Variants in APC observed in about 807,000 individuals in gnomAD.
The protein encoded by APC is adenomatous polyposis coli protein.
APC carries 72 observed loss-of-function variants against 247.0 expected under a neutral mutation model. That is an observed-to-expected ratio of 0.29 (90% CI 0.24 to 0.35). The LOEUF (loss-of-function observed/expected upper bound fraction) is 0.35, where lower values mean the gene tolerates loss of function less well. Ranked by LOEUF, APC falls within the 10% of genes least tolerant of loss-of-function variation. APC has a pLI of 1.00. For missense variants in APC, 3,400 were observed against 3,360.7 expected, an observed-to-expected ratio of 1.01 and a Z score of -0.29; for synonymous variants, 1,254 against 1,162.5, an observed-to-expected ratio of 1.08 and a Z score of -1.60.
chr5:112,758,952 T>C (rs530659849), intron 2 of APC, among the ~76,000 whole-genome samples: 1 of 152,266 alleles, frequency 6.6e-6, no homozygotes, highest in South Asian at 2.1e-4. Context: ...AGCAACAAGG[T>C]AAATATGGCA....
intron 3 of APC, among the ~76,000 whole-genome samples, chr5:112,766,895 G>A (rs1202201101): frequency 6.6e-6 from 1 of 152,194 alleles, no homozygotes. Flanking sequence ...AACAGAGAAA[G>A]TGCTTGATAA....
Position 112,835,117 on chromosome 5 carries a change from G to A in APC, c.1910G>A (p.Gly637Glu), listed in dbSNP as rs2149843736. 1 of 1,614,022 alleles carries A rather than the reference G, an allele frequency of 6.2e-7. No individual in the cohort carries two copies. Among genetic ancestry groups the A allele is most frequent in the Non-Finnish European group, 8.5e-7 (1 of 1,179,990 alleles). Residue 637 changes from glycine to glutamate, a missense_variant, in exon 15 of 16, where the codon GGG (glycine) becomes GAG (glutamate). By Grantham distance (98) the Gly-to-Glu change is moderately conservative. Transcript: ENST00000257430. ...NTLAIIESGG[G>E]ILRNVSSLIA... is the part of the protein sequence containing the mutation. Reference sequence around the variant, plus strand: ...TTAGCCATTATTGAAAGTGGAGGTGGGATATTACGGAATGTGTCCAGCTTG... The same window carrying A: ...TTAGCCATTATTGAAAGTGGAGGTGAGATATTACGGAATGTGTCCAGCTTG...
intron 5 of APC, among the ~76,000 whole-genome samples, chr5:112,779,089 G>T (rs1043407332): frequency 8.5e-5 from 13 of 152,162 alleles, no homozygotes; most frequent in African/African-American, 3.1e-4. Context: ...TTTTGAGAGA[G>T]AAAGGATCCC....
intron 8 of APC, among the ~76,000 whole-genome samples, chr5:112,802,866 C>CA (rs1227949136): frequency 6.6e-6 from 1 of 151,154 alleles, no homozygotes; most frequent in Non-Finnish European, 1.5e-5. Flanking sequence ...ATTCAAGATG[C>CA]AAAAAACAGT....
chr5:112,755,137 A>G, intron 2 of APC, 112 bp downstream of exon 2: 3 of 1,446,838 alleles, frequency 2.1e-6, no homozygotes, highest in Non-Finnish European at 2.8e-6. Context: ...TTAAGCAATA[A>G]TATGTAAACT....
intron 1 of APC, among the ~76,000 whole-genome samples, chr5:112,717,172 G>T (rs1751220932): frequency 6.6e-6 from 1 of 151,976 alleles, no homozygotes; most frequent in African/African-American, 2.4e-5. Flanking sequence ...CACTACGCCT[G>T]CCTAATTTTT....
chr5:112,796,645 C>T (rs923409695), intron 7 of APC, among the ~76,000 whole-genome samples: 2 of 151,860 alleles, frequency 1.3e-5, no homozygotes, highest in African/African-American at 4.8e-5. Flanking sequence ...TTTTTTGCTC[C>T]TTTTCAGTTC....
upstream of APC, chr5:112,707,499 C>T (rs1178835678): frequency 4.9e-5 from 22 of 445,898 alleles, no homozygotes; most frequent in Non-Finnish European, 8.0e-5. Flanking sequence ...CACGCATGCG[C>T]ATTGTAGTCT....
chr5:112,810,766 A>G (rs1020086860), intron 8 of APC, among the ~76,000 whole-genome samples: 2 of 152,216 alleles, frequency 1.3e-5, no homozygotes, highest in Admixed American at 6.5e-5. Flanking sequence ...CCTGAAATAC[A>G]TGCTGGATTT....
chr5:112,814,586 T>C (rs577170994), intron 8 of APC, among the ~76,000 whole-genome samples: 1 of 152,304 alleles, frequency 6.6e-6, no homozygotes, highest in East Asian at 1.9e-4. Context: ...CTATTCTCAC[T>C]GCCTTAGTTT....
chr5:112,818,983 A>G lies in APC; in HGVS notation c.951A>G (p.Ser317=), dbSNP rs970626019. The G allele has an allele frequency of 1.9e-6, 3 of 1,613,934 alleles. No individual in the cohort carries two copies. Among genetic ancestry groups the G allele is most frequent in the Non-Finnish European group, 2.5e-6 (3 of 1,179,952 alleles). The change falls in exon 10 of 16, where the codon TCA becomes TCG. Residue 317 remains serine (S), a synonymous_variant. Coordinates refer to ENST00000257430, the MANE Select transcript of APC (RefSeq NM_000038.6). ...GCCCACAGGTGGAAATGGTGTATTC[A>G]TTGTTGTCAATGCTTGGTACTCATG... ...HLGTKVEMVY[S]LLSMLGTHDK...
intron 4 of APC, 38 bp downstream of exon 4, chr5:112,767,428 C>T (rs779503077): frequency 1.4e-6 from 2 of 1,450,064 alleles, no homozygotes; most frequent in East Asian, 2.3e-5. Context: ...GCCTTGTGTA[C>T]TCCAGTTTAT....
intron 8 of APC, among the ~76,000 whole-genome samples, chr5:112,801,601 T>A: frequency 6.6e-6 from 1 of 152,104 alleles, no homozygotes; most frequent in Non-Finnish European, 1.5e-5. Context: ...AGCTATAGAT[T>A]GTGTGTTTAT....
chr5:112,710,150 A>G (rs1750768067), intron 1 of APC, among the ~76,000 whole-genome samples: 2 of 152,146 alleles, frequency 1.3e-5, no homozygotes, highest in Non-Finnish European at 2.9e-5. Flanking sequence ...CCAATCCTAA[A>G]TAAGCCTCGC....
intron 5 of APC, among the ~76,000 whole-genome samples, chr5:112,777,209 G>A (rs1425102119): frequency 6.6e-6 from 1 of 151,680 alleles, no homozygotes; most frequent in Admixed American, 6.6e-5. Context: ...TGTGATTTTT[G>A]TTTTGGTAAA....
rs876660819 is a variant in APC at position 112,843,209 on chromosome 5, C to T, written c.7615C>T (p.Leu2539Phe). ...ARSHSESPSRLPINRSGTWKR... is the reference protein window; with the variant it reads ...ARSHSESPSRFPINRSGTWKR... ...GTCTCATTCTGAAAGTCCTTCTAGACTTCCAATCAATAGGTCAGGAACCTG... is the reference window on the plus strand; with the variant it reads ...GTCTCATTCTGAAAGTCCTTCTAGATTTCCAATCAATAGGTCAGGAACCTG... The change falls in exon 16 of 16, where the codon CTT becomes TTT. Residue 2539 changes from leucine to phenylalanine, a missense_variant. Physicochemically the swap from Leu to Phe is conservative, Grantham distance 22 (BLOSUM62 0). This residue lies in a region of APC where 1,788 missense variants were observed against 1,649.5 expected (regional missense o/e 1.08). Coordinates refer to ENST00000257430, the MANE Select transcript of APC (RefSeq NM_000038.6). The surrounding 1 kb of genome is among the most constrained non-coding windows in gnomAD (Gnocchi z 4.8). 1 of 1,613,716 alleles carries T rather than the reference C, an allele frequency of 6.2e-7. No individual in the cohort carries two copies. The highest frequency in any genetic ancestry group is 8.5e-7 in the Non-Finnish European group (1 of 1,179,630).
chr5:112,790,204 A>G (rs1217171035), intron 6 of APC, among the ~76,000 whole-genome samples: 1 of 152,034 alleles, frequency 6.6e-6, no homozygotes, highest in African/African-American at 2.4e-5. Context: ...CAGAATCATG[A>G]TAGAGACTCA....
At chr5:112,761,602 G>GA (rs993123279) in intron 2 of APC, among the ~76,000 whole-genome samples, 1 of 151,830 alleles carries the variant, frequency 6.6e-6, no homozygotes, top group East Asian at 1.9e-4. Context: ...GAAGCACAGA[G>GA]AAAAAAATGG....
chr5:112,795,970 AT>A (rs759172028), intron 7 of APC, among the ~76,000 whole-genome samples: 16 of 152,192 alleles, frequency 1.1e-4, no homozygotes, highest in Non-Finnish European at 1.9e-4. Flanking sequence ...TCCAGGAGAG[AT>A]TAAGTCCAAG....
Sources: gnomAD v4.1 joint callset for allele counts (sites outside exome capture counted in the v4.1 genomes callset) on GRCh38, gnomAD v4.1.1 for gene constraint, gnomAD v4.1.1 regional missense constraint, Gnocchi (gnomAD v3.1) non-coding constraint, MANE v1.5 for transcripts, NCBI Gene and HGNC (gene_info 2026-07-23, HGNC 2026-07-21) for gene names.